Variants in GULP1 observed in about 807,000 individuals in gnomAD.
The protein encoded by GULP1 is PTB domain-containing engulfment adapter protein 1.
In GULP1, 19 loss-of-function variants were observed where a neutral mutation model predicts 40.9. The observed-to-expected ratio is 0.46, with a 90% CI of 0.32 to 0.68. The LOEUF (loss-of-function observed/expected upper bound fraction) is 0.68. GULP1 is among the 30% of genes least tolerant of loss of function. GULP1 has a pLI of 0.03. For synonymous variants in GULP1, 119 were observed against 117.6 expected, an observed-to-expected ratio of 1.01 and a Z score of -0.08; for missense variants, 312 against 362.2, an observed-to-expected ratio of 0.86 and a Z score of 1.12.
intron 2 of GULP1, among the ~76,000 whole-genome samples, chr2:188,409,556 A>C (rs2053593668): frequency 6.6e-6 from 1 of 152,120 alleles, no homozygotes; most frequent in Non-Finnish European, 1.5e-5. Flanking sequence ...AATTCTTTTC[A>C]ATTTTTTTTT....
intron 2 of GULP1, among the ~76,000 whole-genome samples, chr2:188,386,045 C>G (rs2049691340): frequency 6.6e-6 from 1 of 152,180 alleles, no homozygotes; most frequent in Non-Finnish European, 1.5e-5. Context: ...TCAGCAGCAT[C>G]CAACTCCTGG....
intron 4 of GULP1, among the ~76,000 whole-genome samples, chr2:188,510,597 T>C (rs542318557): frequency 2.9e-4 from 44 of 152,152 alleles, no homozygotes; most frequent in African/African-American, 1.0e-3. Flanking sequence ...ATATTTAGCA[T>C]GAAATATACT....
chr2:188,486,050 C>G (rs138596784), intron 4 of GULP1, among the ~76,000 whole-genome samples: 67 of 152,076 alleles, frequency 4.4e-4, no homozygotes, highest in African/African-American at 1.5e-3. Flanking sequence ...TGATCTCATA[C>G]AAGTATTAAT....
chr2:188,582,915 G>C (rs950584311), intron 9 of GULP1, among the ~76,000 whole-genome samples: 6 of 152,118 alleles, frequency 3.9e-5, no homozygotes, highest in Admixed American at 2.6e-4. Context: ...GTAAATCTTA[G>C]GACAGAAAGT....
At chr2:188,373,191 G>A (rs762219326) in intron 1 of GULP1, among the ~76,000 whole-genome samples, 1 of 151,758 alleles carries the variant, frequency 6.6e-6, no homozygotes, top group Non-Finnish European at 1.5e-5. Flanking sequence ...ACATGGAGAA[G>A]AACATTCTAG....
At chr2:188,541,996 T>C (rs1690632593) in intron 7 of GULP1, 1 of 152,020 alleles carries the variant, frequency 6.6e-6, no homozygotes, top group Admixed American at 6.6e-5. Flanking sequence ...TGGTCCCAGC[T>C]ACTAGGGAGG....
intron 1 of GULP1, among the ~76,000 whole-genome samples, chr2:188,332,975 G>A (rs67092191): frequency 0.17 from 26,613 of 152,100 alleles, 2,398 homozygotes; most frequent in South Asian, 0.23. Context: ...TGAGTGTGGT[G>A]GCTCATGCCT....
At chr2:188,422,308 A>G (rs560980734) in intron 2 of GULP1, among the ~76,000 whole-genome samples, 1 of 151,736 alleles carries the variant, frequency 6.6e-6, no homozygotes, top group South Asian at 2.1e-4. Flanking sequence ...GAAACTTTAT[A>G]AATTTTGATG....
chr2:188,385,447 G>T (rs1420541484), intron 2 of GULP1, among the ~76,000 whole-genome samples: 1 of 152,066 alleles, frequency 6.6e-6, no homozygotes, highest in African/African-American at 2.4e-5. Flanking sequence ...TAAACCTCCG[G>T]GGTTGCCATG....
At chr2:188,527,183 G>A (rs1198127562) in intron 5 of GULP1, among the ~76,000 whole-genome samples, 1 of 151,914 alleles carries the variant, frequency 6.6e-6, no homozygotes, top group Non-Finnish European at 1.5e-5. Context: ...TAATAATAGT[G>A]GTTGTTTTGT....
intron 1 of GULP1, among the ~76,000 whole-genome samples, chr2:188,298,147 T>C (rs1229052501): frequency 6.6e-6 from 1 of 152,234 alleles, no homozygotes; most frequent in East Asian, 1.9e-4. Context: ...AGGAACTGTG[T>C]AGTAATAAAG....
intron 1 of GULP1, among the ~76,000 whole-genome samples, chr2:188,380,749 G>A (rs2048912880): frequency 6.6e-6 from 1 of 152,122 alleles, no homozygotes; most frequent in Non-Finnish European, 1.5e-5. Context: ...TCATGATAAT[G>A]GTGGTCTGTA....
At chr2:188,494,189 C>G (rs1279079015) in intron 4 of GULP1, among the ~76,000 whole-genome samples, 1 of 151,906 alleles carries the variant, frequency 6.6e-6, no homozygotes, top group African/African-American at 2.4e-5. Flanking sequence ...GATACAAATA[C>G]CATTAAAAAA....
At chr2:188,349,844 T>C (rs773223591) in intron 1 of GULP1, among the ~76,000 whole-genome samples, 18 of 152,290 alleles carry the variant, frequency 1.2e-4, no homozygotes, top group Non-Finnish European at 5.9e-5. Flanking sequence ...GTTGTAGCTG[T>C]TTCAGTAAGC....
chr2:188,501,677 G>T (rs1169880829), intron 4 of GULP1, among the ~76,000 whole-genome samples: 1 of 151,882 alleles, frequency 6.6e-6, no homozygotes, highest in Non-Finnish European at 1.5e-5. Context: ...TTGAAAAATT[G>T]TCAAGAAGAG....
chr2:188,486,401 A>G (rs2061864364), intron 4 of GULP1, among the ~76,000 whole-genome samples: 1 of 152,024 alleles, frequency 6.6e-6, no homozygotes, highest in South Asian at 2.1e-4. Flanking sequence ...AGAGAGACTC[A>G]TCATACCATT....
chr2:188,337,587 C>T (rs2042439959), intron 1 of GULP1, among the ~76,000 whole-genome samples: 1 of 151,684 alleles, frequency 6.6e-6, no homozygotes, highest in Admixed American at 6.6e-5. Flanking sequence ...GGAAGCTACA[C>T]TTTGTTACCA....
At chr2:188,513,812 C>T (rs2153214645) in intron 4 of GULP1, among the ~76,000 whole-genome samples, 1 of 152,116 alleles carries the variant, frequency 6.6e-6, no homozygotes, top group African/African-American at 2.4e-5. Context: ...TTTGGATTTA[C>T]AGCAGGGCCT....
intron 2 of GULP1, among the ~76,000 whole-genome samples, chr2:188,397,332 G>A (rs1216167923): frequency 6.6e-6 from 1 of 152,064 alleles, no homozygotes; most frequent in African/African-American, 2.4e-5. Flanking sequence ...CTAACTTTTG[G>A]AATCTGGACC....
Sources: allele counts gnomAD v4.1 joint callset (sites outside exome capture counted in the v4.1 genomes callset), GRCh38; gene constraint gnomAD v4.1.1; transcripts MANE v1.5; gene names NCBI Gene and HGNC (gene_info 2026-07-23, HGNC 2026-07-21).